The following SLC24A3 variants were observed in gnomAD, a reference collection of about 807,000 sequenced individuals.
The protein encoded by SLC24A3 is solute carrier family 24 member 3.
In SLC24A3, 28 loss-of-function variants were observed where a neutral mutation model predicts 75.8. That is an observed-to-expected ratio of 0.37 (90% CI 0.27 to 0.51). The LOEUF is 0.51. Ranked by LOEUF, SLC24A3 falls within the 20% of genes least tolerant of loss-of-function variation. The pLI, the probability that SLC24A3 is intolerant of heterozygous loss-of-function variation, is 0.94. For missense variants in SLC24A3, 663 were observed against 847.8 expected, an observed-to-expected ratio of 0.78 and a Z score of 2.71; for synonymous variants, 372 against 334.1, an observed-to-expected ratio of 1.11 and a Z score of -1.24.
chr20:19,453,299 A>G (rs1246348749), intron 2 of SLC24A3, among the ~76,000 whole-genome samples: 1 of 152,078 alleles, frequency 6.6e-6, no homozygotes, highest in East Asian at 1.9e-4. Flanking sequence ...ACAGTAAACT[A>G]TGATCATGAT....
rs558955163 is a variant in SLC24A3, at chr20:19,533,475, G to A, written c.348+17911G>A. ...CAGTGATAATTCCATGGCCGTCTTT[G>A]AAAACCATCTGCCACAGCAACCTTA... On this transcript the variant is annotated intron_variant, in intron 3 of 16. Coordinates refer to ENST00000328041, the MANE Select transcript of SLC24A3 (RefSeq NM_020689.4). Among the ~76,000 whole-genome samples the A allele has an allele frequency of 9.9e-5, 15 of 152,270 alleles. No individual in the cohort carries two copies. In the South Asian group the frequency reaches 2.5e-3, roughly 25 times the overall value.
In SLC24A3 at chr20:19,439,482, AG is replaced by A. The variant is rs1342160523; in HGVS notation, c.272-76005del. On this transcript the variant is annotated intron_variant, in intron 2 of 16. Transcript: ENST00000328041. ...AGATAGATTTGGCTGTTCCTGTCTCAGAAGTATATTTGTGAAACACTTGTGA... is the reference window on the plus strand; with the variant it reads ...AGATAGATTTGGCTGTTCCTGTCTCAAAGTATATTTGTGAAACACTTGTGA... Among the ~76,000 whole-genome samples, 3 of 152,332 alleles carry A rather than the reference AG, an allele frequency of 2.0e-5. No individual in the cohort carries two copies. The East Asian group carries it at 5.8e-4, about 29-fold the overall frequency.
intron 15 of SLC24A3, among the ~76,000 whole-genome samples, chr20:19,701,736 T>C (rs1282707314): frequency 6.6e-6 from 1 of 152,140 alleles, no homozygotes; most frequent in Non-Finnish European, 1.5e-5. Context: ...TATGAGGAAT[T>C]AAAAATCAGA....
At chr20:19,399,946 A>C (rs760486490) in intron 2 of SLC24A3, among the ~76,000 whole-genome samples, 3 of 152,188 alleles carry the variant, frequency 2.0e-5, no homozygotes, top group Non-Finnish European at 4.4e-5. Flanking sequence ...TCTGCTGTTA[A>C]TCTTGTCCAG....
chr20:19,572,047 A>G (rs2031060273), intron 3 of SLC24A3, among the ~76,000 whole-genome samples: 2 of 152,184 alleles, frequency 1.3e-5, no homozygotes, highest in African/African-American at 4.8e-5. Context: ...TAAAAGGTAC[A>G]TGACCTGAGC....
intron 2 of SLC24A3, among the ~76,000 whole-genome samples, chr20:19,432,502 G>C (rs1374270935): frequency 2.0e-5 from 3 of 152,002 alleles, no homozygotes; most frequent in Non-Finnish European, 4.4e-5. Context: ...TGACCCCATG[G>C]AGAATTCCAA....
chr20:19,566,326 G>A lies in SLC24A3; in HGVS notation c.349-13674G>A, dbSNP rs185440356. Among the ~76,000 whole-genome samples the A allele has an allele frequency of 2.0e-5, 3 of 152,316 alleles. No individual in the cohort carries two copies. In the East Asian group the frequency reaches 5.8e-4, roughly 29 times the overall value. ...AGCACGTATTCTCCTGCAACAACTGGCTGAGTCAAAGATGGTCCTCCACTG... is the reference window on the plus strand; with the variant it reads ...AGCACGTATTCTCCTGCAACAACTGACTGAGTCAAAGATGGTCCTCCACTG... On this transcript the variant is annotated intron_variant, in intron 3 of 16. Transcript: ENST00000328041.
chr20:19,665,853 T>A lies in SLC24A3; in HGVS notation c.688-11T>A. The A allele has an allele frequency of 6.2e-7, 1 of 1,600,742 alleles. No individual in the cohort carries two copies. ...TGTGTCTAATCTTCTATTCTTTTTA[T>A]TTTTTCACAGTTTATTTATGATGAA... On this transcript the variant is annotated splice_polypyrimidine_tract_variant and intron_variant, in intron 7 of 16. Transcript: ENST00000328041.
At chr20:19,271,599 A>C (rs542690921) in intron 1 of SLC24A3, among the ~76,000 whole-genome samples, 229 of 152,352 alleles carry the variant, frequency 1.5e-3, no homozygotes, top group African/African-American at 5.3e-3. Flanking sequence ...AAAGCCCATC[A>C]ACCAATGAGT....
At chr20:19,490,682 A>G (rs1480289720) in intron 2 of SLC24A3, among the ~76,000 whole-genome samples, 1 of 152,194 alleles carries the variant, frequency 6.6e-6, no homozygotes, top group Non-Finnish European at 1.5e-5. Context: ...CCATTCCTCA[A>G]TTTGGTAGTT....
intron 2 of SLC24A3, among the ~76,000 whole-genome samples, chr20:19,304,708 A>G (rs556355577): frequency 6.6e-6 from 1 of 152,344 alleles, no homozygotes; most frequent in African/African-American, 2.4e-5. Flanking sequence ...AGCCAATGGT[A>G]AAACATTTTA....
In SLC24A3 at chr20:19,658,175, G is replaced by A. The variant is rs1256163923; in HGVS notation, c.687+4039G>A. Among the ~76,000 whole-genome samples the A allele has an allele frequency of 2.6e-5, 4 of 152,280 alleles. No individual in the cohort carries two copies. The East Asian group carries it at 7.7e-4, about 29-fold the overall frequency. ...CTTCAGACCTCAGCAGAGGGGCCCT[G>A]GAGACAAACCATGGGGCCTGGAGAC... On this transcript the variant is annotated intron_variant, in intron 7 of 16. Coordinates refer to ENST00000328041, the MANE Select transcript of SLC24A3 (RefSeq NM_020689.4).
intron 3 of SLC24A3, among the ~76,000 whole-genome samples, chr20:19,563,869 T>C (rs1212226454): frequency 1.3e-5 from 2 of 152,338 alleles, no homozygotes; most frequent in South Asian, 2.1e-4. Flanking sequence ...TCCTACCTTA[T>C]TGTGATAACC....
At chr20:19,287,684 A>C (rs1983849422) in intron 2 of SLC24A3, among the ~76,000 whole-genome samples, 1 of 152,238 alleles carries the variant, frequency 6.6e-6, no homozygotes, top group Non-Finnish European at 1.5e-5. Flanking sequence ...GTCATCAATG[A>C]GGCAGAAATT....
chr20:19,706,814 C>T (rs1022324107), intron 15 of SLC24A3, among the ~76,000 whole-genome samples: 7 of 152,078 alleles, frequency 4.6e-5, no homozygotes, highest in African/African-American at 7.2e-5. Context: ...AGTTCAGCTA[C>T]GGGGCATTTG....
intron 6 of SLC24A3, among the ~76,000 whole-genome samples, chr20:19,634,041 TG>T (rs1419120443): frequency 7.9e-5 from 12 of 152,206 alleles, no homozygotes; most frequent in African/African-American, 2.9e-4. Flanking sequence ...AAAATTCTTG[TG>T]CCTTCCATTT....
At chr20:19,633,928 A>T (rs1303033376) in intron 6 of SLC24A3, among the ~76,000 whole-genome samples, 1 of 152,168 alleles carries the variant, frequency 6.6e-6, no homozygotes, top group Non-Finnish European at 1.5e-5. Context: ...TAAATATTCA[A>T]TAAAATGCTG....
At chr20:19,436,262 G>T (rs911755373) in intron 2 of SLC24A3, among the ~76,000 whole-genome samples, 5 of 152,104 alleles carry the variant, frequency 3.3e-5, no homozygotes, top group Admixed American at 6.5e-5. Context: ...TTCAACGGTT[G>T]GGAATACTCT....
At chr20:19,224,432 T>C (rs1981822366) in intron 1 of SLC24A3, among the ~76,000 whole-genome samples, 1 of 152,146 alleles carries the variant, frequency 6.6e-6, no homozygotes, top group Non-Finnish European at 1.5e-5. Flanking sequence ...ATTAGTAAAA[T>C]TGAACCATGA....
Sources: gnomAD v4.1 joint callset for allele counts (sites outside exome capture counted in the v4.1 genomes callset) on GRCh38, gnomAD v4.1.1 for gene constraint, MANE v1.5 for transcripts, NCBI Gene and HGNC (gene_info 2026-07-23, HGNC 2026-07-21) for gene names.